NTN1: variants seen among roughly 807,000 people sequenced by gnomAD.
The protein encoded by NTN1 is netrin 1.
NTN1 carries 11 observed loss-of-function variants against 54.2 expected under a neutral mutation model. That is an observed-to-expected ratio of 0.20 (90% CI 0.13 to 0.34). The LOEUF is 0.34. NTN1 is among the 10% of genes least tolerant of loss of function. The probability of loss-of-function intolerance (pLI) is 1.00; values close to 1 mark genes in which losing one functional copy is unlikely to be tolerated. For synonymous variants in NTN1, 371 were observed against 382.0 expected (o/e 0.97, Z 0.33); for missense variants, 740 against 893.1 (o/e 0.83, Z 2.18).
intron 6 of NTN1, among the ~76,000 whole-genome samples, chr17:9,227,940 TACACACACACCATC>T (rs1312858448): frequency 6.6e-6 from 1 of 151,130 alleles, no homozygotes; most frequent in Non-Finnish European, 1.5e-5. Context: ...CACACACCAT[TACACACACACCATC>T]ACAGCACTGC....
the NTN1 span, among the ~76,000 whole-genome samples, chr17:9,003,114 C>T: frequency 6.6e-6 from 1 of 152,068 alleles, no homozygotes; most frequent in Admixed American, 6.5e-5. The surrounding 1 kb of genome is among the most constrained non-coding windows in gnomAD (Gnocchi z 7.4). Flanking sequence ...GCGGAGAGCT[C>T]GCCTCCCGCT....
chr17:9,157,599 T>C (rs2092346540), intron 2 of NTN1, among the ~76,000 whole-genome samples: 1 of 152,244 alleles, frequency 6.6e-6, no homozygotes, highest in South Asian at 2.1e-4. Context: ...TTCCTTACCC[T>C]CGTTATGCCC....
At chr17:9,201,022 T>C (rs934859292) in intron 5 of NTN1, among the ~76,000 whole-genome samples, 3 of 152,142 alleles carry the variant, frequency 2.0e-5, no homozygotes, top group African/African-American at 7.2e-5. Context: ...TTTTTTTTAA[T>C]GGCACAGATG....
At chr17:9,007,421 C>T in the NTN1 span, among the ~76,000 whole-genome samples, 1 of 144,790 alleles carries the variant, frequency 6.9e-6, no homozygotes, top group Non-Finnish European at 1.5e-5. Flanking sequence ...TTCTCTCTTT[C>T]TTTTTCTTTC....
In NTN1 at chr17:9,218,915, G is replaced by GAAAAAA. The variant is rs58849878; in HGVS notation, c.1412-2242_1412-2237dup. Among the ~76,000 whole-genome samples, 666 of 141,162 alleles carry GAAAAAA rather than the reference G, an allele frequency of 4.7e-3. 4 individuals carry two copies. Among genetic ancestry groups the GAAAAAA allele is most frequent in the African/African-American group, 0.017 (637 of 38,328 alleles). 92.6% of individuals were successfully genotyped at this position (141,162 alleles called of 152,430 possible). A position where few individuals can be genotyped will look rare whatever the true frequency, so the allele number is the denominator to read the frequency against. On this transcript the variant is annotated intron_variant, in intron 5 of 6. Transcript: ENST00000173229. ...GCTGGTGTGGGATGATGGCTTTTGT[G>GAAAAAA]AAAAAAAAAAAAAAAATTGCGAGGA...
chr17:9,168,405 G>T (rs1439433671), intron 3 of NTN1, among the ~76,000 whole-genome samples: 1 of 152,184 alleles, frequency 6.6e-6, no homozygotes, highest in Non-Finnish European at 1.5e-5. Context: ...AGTGGCGCAT[G>T]CCTGTAATCC....
intron 5 of NTN1, among the ~76,000 whole-genome samples, chr17:9,213,588 T>C (rs1188426228): frequency 6.6e-6 from 1 of 152,236 alleles, no homozygotes; most frequent in Non-Finnish European, 1.5e-5. Context: ...TGTGTGTATA[T>C]ATGGTTATGC....
intron 2 of NTN1, among the ~76,000 whole-genome samples, chr17:9,112,241 TAAGTA>T (rs1452461249): frequency 6.6e-6 from 1 of 152,204 alleles, no homozygotes; most frequent in Non-Finnish European, 1.5e-5. Flanking sequence ...TTTTTGAAGA[TAAGTA>T]AAGAGAAACC....
At chr17:9,198,713 G>A (rs748106495) in intron 5 of NTN1, among the ~76,000 whole-genome samples, 1 of 152,176 alleles carries the variant, frequency 6.6e-6, no homozygotes, top group Non-Finnish European at 1.5e-5. Context: ...GAAGACCAGA[G>A]ACCAAGGGGA....
At chr17:9,145,187 G>A (rs1303053634) in intron 2 of NTN1, among the ~76,000 whole-genome samples, 2 of 152,202 alleles carry the variant, frequency 1.3e-5, no homozygotes, top group African/African-American at 4.8e-5. Flanking sequence ...AGGACTCCTG[G>A]GGAATTAGCC....
chr17:9,089,177 C>T (rs1425876548), intron 2 of NTN1, among the ~76,000 whole-genome samples: 1 of 152,140 alleles, frequency 6.6e-6, no homozygotes, highest in Non-Finnish European at 1.5e-5. Context: ...CTTTGGGAGG[C>T]CGAGACTGGT....
At chr17:9,231,396 GC>G (rs1567747439) in intron 6 of NTN1, among the ~76,000 whole-genome samples, 1 of 152,216 alleles carries the variant, frequency 6.6e-6, no homozygotes, top group Non-Finnish European at 1.5e-5. Flanking sequence ...GCTCAGCTCT[GC>G]CCCCACCCTG....
chr17:9,033,931 AAAAG>A (rs1159620363), intron 2 of NTN1, among the ~76,000 whole-genome samples: 1 of 151,106 alleles, frequency 6.6e-6, no homozygotes, highest in Non-Finnish European at 1.5e-5. Context: ...AAAAAAAAAA[AAAAG>A]AAAAAGAAAA....
chr17:9,035,485 T>A (rs1411082423), intron 2 of NTN1, among the ~76,000 whole-genome samples: 2 of 152,194 alleles, frequency 1.3e-5, no homozygotes, highest in Non-Finnish European at 2.9e-5. Context: ...TACTTGTCCA[T>A]GTCTTTTGAT....
chr17:9,146,967 C>A (rs563990157), intron 2 of NTN1, among the ~76,000 whole-genome samples: 2 of 152,174 alleles, frequency 1.3e-5, no homozygotes, highest in Non-Finnish European at 2.9e-5. Context: ...TGCTACCTCT[C>A]TGTGGAAGAT....
intron 2 of NTN1, among the ~76,000 whole-genome samples, chr17:9,041,455 T>C (rs1301671727): frequency 1.3e-5 from 2 of 152,258 alleles, no homozygotes; most frequent in Non-Finnish European, 2.9e-5. Context: ...TATGGCCTTT[T>C]GTGACTGACG....
At chr17:9,074,895 C>T (rs1162452392) in intron 2 of NTN1, among the ~76,000 whole-genome samples, 2 of 152,220 alleles carry the variant, frequency 1.3e-5, no homozygotes, top group African/African-American at 2.4e-5. Flanking sequence ...CATTGGAATA[C>T]TGTTGGAATA....
At chr17:9,158,964 A>G (rs528221731) in intron 2 of NTN1, among the ~76,000 whole-genome samples, 3 of 152,292 alleles carry the variant, frequency 2.0e-5, no homozygotes, top group African/African-American at 7.2e-5. Context: ...GTCCACCTCT[A>G]TTTGTAAATG....
intron 6 of NTN1, among the ~76,000 whole-genome samples, chr17:9,230,720 G>A (rs774702317): frequency 3.9e-5 from 6 of 152,164 alleles, no homozygotes; most frequent in Middle Eastern, 3.2e-3. Context: ...TTGCCATCCC[G>A]CAGAGCGGGA....
Sources: allele counts gnomAD v4.1 joint callset (sites outside exome capture counted in the v4.1 genomes callset), GRCh38; gene constraint gnomAD v4.1.1; non-coding constraint Gnocchi (gnomAD v3.1); transcripts MANE v1.5; gene names NCBI Gene and HGNC (gene_info 2026-07-23, HGNC 2026-07-21).